MAF: variants seen among roughly 807,000 people sequenced by gnomAD.
The protein encoded by MAF is transcription factor Maf.
A neutral mutation model predicts 22.0 loss-of-function variants in MAF; 10 were observed. The ratio of observed to expected loss-of-function variants is 0.45; its 90% confidence interval spans 0.28 to 0.77. The LOEUF (loss-of-function observed/expected upper bound fraction) is 0.77. Ranked by LOEUF, MAF falls within the 30% of genes least tolerant of loss-of-function variation. MAF has a pLI of 0.12. For missense variants in MAF, 544 were observed against 548.4 expected (o/e 0.99, Z 0.08); for synonymous variants, 337 against 255.8 (o/e 1.32, Z -3.03).
At chr16:79,239,019 G>A in the MAF span, among the ~76,000 whole-genome samples, 1 of 151,934 alleles carries the variant, frequency 6.6e-6, no homozygotes, top group African/African-American at 2.4e-5. Context: ...ACAAGCTGGG[G>A]AGGTCTAAAC....
At chr16:79,229,134 T>C in the MAF span, among the ~76,000 whole-genome samples, 12 of 74,570 alleles carry the variant, frequency 1.6e-4, no homozygotes, top group Non-Finnish European at 2.3e-4. Context: ...CCTTCAAACA[T>C]AGACCCCCCC....
chr16:79,270,917 T>G, the MAF span, among the ~76,000 whole-genome samples: 2 of 127,652 alleles, frequency 1.6e-5, no homozygotes, highest in Non-Finnish European at 3.4e-5. Context: ...TTTTTTTTAA[T>G]GAGACAGAGT....
At chr16:79,329,191 T>G in the MAF span, among the ~76,000 whole-genome samples, 2 of 151,886 alleles carry the variant, frequency 1.3e-5, no homozygotes, top group African/African-American at 2.4e-5. Context: ...AAACCTTATT[T>G]CCCCCTCTCT....
the MAF span, among the ~76,000 whole-genome samples, chr16:79,223,046 C>T: frequency 8.5e-5 from 13 of 152,296 alleles, no homozygotes; most frequent in East Asian, 1.2e-3. Context: ...AACTCTCCAC[C>T]GCAAATCAAC....
At chr16:79,475,321 CAT>C in the MAF span, among the ~76,000 whole-genome samples, 2 of 147,708 alleles carry the variant, frequency 1.4e-5, no homozygotes, top group Admixed American at 6.8e-5. Flanking sequence ...TATATATGTG[CAT>C]ATATATATGG....
At chr16:79,308,391 C>T in the MAF span, among the ~76,000 whole-genome samples, 1 of 152,128 alleles carries the variant, frequency 6.6e-6, no homozygotes, top group Non-Finnish European at 1.5e-5. Context: ...CTGGGAGGCA[C>T]CTCTATCACT....
chr16:79,583,662 C>A (rs1168923764), downstream of MAF, among the ~76,000 whole-genome samples: 1 of 152,264 alleles, frequency 6.6e-6, no homozygotes, highest in Admixed American at 6.5e-5. Flanking sequence ...TGAACGCCAA[C>A]TCTCCACTTT....
chr16:79,248,220 C>T, the MAF span, among the ~76,000 whole-genome samples: 1 of 151,196 alleles, frequency 6.6e-6, no homozygotes, highest in South Asian at 2.1e-4. Flanking sequence ...CAGAGTTATA[C>T]ATAAAGAGTT....
the MAF span, among the ~76,000 whole-genome samples, chr16:79,448,782 T>C: frequency 6.6e-6 from 1 of 152,044 alleles, no homozygotes; most frequent in Admixed American, 6.5e-5. Flanking sequence ...ACAATGCTAC[T>C]ACAGACTTTA....
chr16:79,518,064 G>GGCATCC, the MAF span, among the ~76,000 whole-genome samples: 1 of 152,076 alleles, frequency 6.6e-6, no homozygotes, highest in Non-Finnish European at 1.5e-5. Flanking sequence ...CTTGATGCCG[G>GGCATCC]GCATCCTATT....
At chr16:79,577,644 A>C in the MAF span, among the ~76,000 whole-genome samples, 58 of 152,324 alleles carry the variant, frequency 3.8e-4, no homozygotes, top group African/African-American at 1.4e-3. Context: ...CTAACTCCTG[A>C]CATGCTGGAA....
At chr16:79,556,128 G>T in the MAF span, among the ~76,000 whole-genome samples, 1 of 152,032 alleles carries the variant, frequency 6.6e-6, no homozygotes, top group Admixed American at 6.5e-5. Context: ...TAATCAGCTT[G>T]CAAAATTCCT....
At chr16:79,220,123 G>T in the MAF span, among the ~76,000 whole-genome samples, 1 of 152,024 alleles carries the variant, frequency 6.6e-6, no homozygotes. Context: ...GGGTGTGGTG[G>T]TGGGCACCTG....
At chr16:79,440,338 G>T in the MAF span, among the ~76,000 whole-genome samples, 1 of 152,252 alleles carries the variant, frequency 6.6e-6, no homozygotes, top group African/African-American at 2.4e-5. Context: ...CTTTGTACCA[G>T]TGTGGTGCCT....
At chr16:79,513,170 T>C in the MAF span, among the ~76,000 whole-genome samples, 2 of 152,230 alleles carry the variant, frequency 1.3e-5, no homozygotes, top group Non-Finnish European at 2.9e-5. Flanking sequence ...ACCAAAGCCC[T>C]ATAGCCCGGG....
the MAF span, among the ~76,000 whole-genome samples, chr16:79,218,995 C>A: frequency 3.9e-5 from 6 of 152,216 alleles, no homozygotes; most frequent in Non-Finnish European, 8.8e-5. Context: ...GTTACTTCTT[C>A]CCAGCTGATG....
the MAF span, among the ~76,000 whole-genome samples, chr16:79,317,352 CCTT>C: frequency 6.9e-6 from 1 of 145,664 alleles, no homozygotes; most frequent in African/African-American, 2.5e-5. Flanking sequence ...TCTTCTCCTT[CCTT>C]CTTCCCTCCT....
At chr16:79,230,869 A>C in the MAF span, among the ~76,000 whole-genome samples, 1 of 151,924 alleles carries the variant, frequency 6.6e-6, no homozygotes, top group Non-Finnish European at 1.5e-5. Flanking sequence ...CATTTTACTG[A>C]CTCTGCTTCC....
chr16:79,578,403 T>G, the MAF span, among the ~76,000 whole-genome samples: 1 of 152,162 alleles, frequency 6.6e-6, no homozygotes, highest in Non-Finnish European at 1.5e-5. Flanking sequence ...ATGCCGATAT[T>G]TATATTGATA....
Sources: gnomAD v4.1 joint callset for allele counts (sites outside exome capture counted in the v4.1 genomes callset) on GRCh38, gnomAD v4.1.1 for gene constraint, MANE v1.5 for transcripts, NCBI Gene and HGNC (gene_info 2026-07-23, HGNC 2026-07-21) for gene names.